The following TNS3 variants were observed in gnomAD, a reference collection of about 807,000 sequenced individuals.
TNS3 encodes tensin-3.
A neutral mutation model predicts 140.9 loss-of-function variants in TNS3; 45 were observed. The observed-to-expected ratio is 0.32, with a 90% CI of 0.25 to 0.41. TNS3 has a LOEUF of 0.41. TNS3 is among the 10% of genes least tolerant of loss of function. The pLI is 1.00. For missense variants in TNS3, 1,716 were observed against 1,906.7 expected (o/e 0.90, Z 1.86); for synonymous variants, 815 against 788.4 (o/e 1.03, Z -0.56).
intron 4 of TNS3, among the ~76,000 whole-genome samples, chr7:47,451,770 G>T (rs534928331): frequency 7.9e-5 from 12 of 152,312 alleles, no homozygotes; most frequent in African/African-American, 2.9e-4. Flanking sequence ...AAATGGAGAA[G>T]AAATAAATGT....
chr7:47,310,966 T>C (rs1046480169), intron 20 of TNS3, among the ~76,000 whole-genome samples: 2 of 152,058 alleles, frequency 1.3e-5, no homozygotes, highest in African/African-American at 4.8e-5. Flanking sequence ...ATCCAGTCTA[T>C]TATTGATGGA....
intron 16 of TNS3, among the ~76,000 whole-genome samples, chr7:47,387,085 T>A (rs192599080): frequency 3.2e-4 from 49 of 152,348 alleles, no homozygotes; most frequent in African/African-American, 1.1e-3. Context: ...ATGTTTAACA[T>A]CAAGTAGCTT....
rs139962693 is a variant in TNS3 at position 47,315,397 on chromosome 7, T to C, written c.2651-10394A>G. 6.0e-4 allele frequency among the ~76,000 whole-genome samples: 92 copies of C among 152,322 alleles called. No individual in the cohort carries two copies. In the East Asian group the frequency reaches 0.014, roughly 23 times the overall value. On this transcript the variant is annotated intron_variant, in intron 20 of 30. Transcript: ENST00000311160. ...CTAGAACTTGGGAGGCGCGTGCCCG[T>C]CGTTCTGGGACTTCAGGAATGTCTA...
intron 16 of TNS3, among the ~76,000 whole-genome samples, chr7:47,373,605 C>T (rs1356267282): frequency 3.9e-5 from 6 of 152,196 alleles, no homozygotes; most frequent in African/African-American, 1.4e-4. Flanking sequence ...CAGGTGCTGC[C>T]CTACCACCCT....
At chr7:47,413,757 G>A (rs564363223) in intron 12 of TNS3, among the ~76,000 whole-genome samples, 180 bp downstream of exon 12, 2 of 152,140 alleles carry the variant, frequency 1.3e-5, no homozygotes, top group African/African-American at 4.8e-5. Flanking sequence ...GGGCCAAGGC[G>A]TGATGCTGGA....
intron 9 of TNS3, among the ~76,000 whole-genome samples, chr7:47,425,503 C>T (rs1584630088): frequency 6.6e-6 from 1 of 152,166 alleles, no homozygotes; most frequent in Admixed American, 6.5e-5. Context: ...TTGACTTTCA[C>T]AGAATACTAT....
In TNS3 at chr7:47,354,206, G is replaced by C. The variant is rs139536901; in HGVS notation, c.2282-7850C>G. On this transcript the variant is annotated intron_variant, in intron 17 of 30. Coordinates refer to ENST00000311160, the MANE Select transcript of TNS3 (RefSeq NM_022748.12). ...AGTTAAGAAGTCAAATCCAGGAAAA[G>C]AGAAGAAAAAGGAGACCTCATGGGA... 2.0e-4 allele frequency among the ~76,000 whole-genome samples: 30 copies of C among 152,290 alleles called. 1 individual carries two copies. The East Asian group carries it at 5.8e-3, about 29-fold the overall frequency.
rs576640829 is a variant in TNS3 at position 47,305,630 on chromosome 7, G to A, written c.2651-627C>T. On this transcript the variant is annotated intron_variant, in intron 20 of 30. Coordinates refer to ENST00000311160, the MANE Select transcript of TNS3 (RefSeq NM_022748.12). ...TGCTTCAAAGGCCACACCGTGGGGTGCAGAAGCCACCCTCGCAGGTGGGCC... is the reference window on the plus strand; with the variant it reads ...TGCTTCAAAGGCCACACCGTGGGGTACAGAAGCCACCCTCGCAGGTGGGCC... Among the ~76,000 whole-genome samples the A allele has an allele frequency of 9.2e-5, 14 of 152,354 alleles. No homozygotes were observed. In the South Asian group the frequency reaches 1.9e-3, roughly 20 times the overall value.
chr7:47,501,917 C>A (rs1798240931), intron 3 of TNS3, among the ~76,000 whole-genome samples: 1 of 152,014 alleles, frequency 6.6e-6, no homozygotes, highest in Non-Finnish European at 1.5e-5. Context: ...GGAGTGAGCC[C>A]CAAGCCAAGC....
At position 47,437,279 on chromosome 7, in the gene TNS3, G is replaced by T; in HGVS notation, c.185C>A (p.Thr62Lys). The change falls in exon 7 of 31, where the codon ACG (threonine) becomes AAG (lysine). Residue 62 changes from threonine (T) to lysine (K), a missense_variant. Coordinates refer to ENST00000311160, the MANE Select transcript of TNS3 (RefSeq NM_022748.12). ...LNLSEKRYDLTKLNPKIMDVG... is the reference protein window; with the variant it reads ...LNLSEKRYDLKKLNPKIMDVG... ...ACTCTGTACCTTTGGGTTAAGCTTC[G>T]TAAGGTCATATCTCTTTTCTGAAAG... The T allele has an allele frequency of 6.4e-7, 1 of 1,560,234 alleles. No homozygotes were observed. The highest frequency in any genetic ancestry group is 8.6e-7 in the Non-Finnish European group (1 of 1,160,552).
At chr7:47,427,442 A>C (rs1471636788) in intron 9 of TNS3, among the ~76,000 whole-genome samples, 1 of 152,218 alleles carries the variant, frequency 6.6e-6, no homozygotes, top group Non-Finnish European at 1.5e-5. Flanking sequence ...ATAGGCTTCT[A>C]TTTCCTCAGA....
rs373756890 is a variant in TNS3, at chr7:47,553,443, T to C, written c.-264-24296A>G. 3.3e-5 allele frequency among the ~76,000 whole-genome samples: 5 copies of C among 152,360 alleles called. No homozygotes were observed. The East Asian group carries it at 9.6e-4, about 29-fold the overall frequency. On this transcript the variant is annotated intron_variant, in intron 1 of 30. Coordinates refer to ENST00000311160, the MANE Select transcript of TNS3 (RefSeq NM_022748.12). ...GCCTGGAAGTTGAAGCAAATGCTCATTTACCATTCTGAAGATTCCAGAGTC... is the reference window on the plus strand; with the variant it reads ...GCCTGGAAGTTGAAGCAAATGCTCACTTACCATTCTGAAGATTCCAGAGTC...
intron 4 of TNS3, chr7:47,453,164 G>A (rs2941526): frequency 0.22 from 219,473 of 985,364 alleles, 24,853 homozygotes; most frequent in Middle Eastern, 0.25. Context: ...AGGTGTGCCC[G>A]GCCCCACGGT....
chr7:47,466,180 G>A (rs1334480692), intron 4 of TNS3, among the ~76,000 whole-genome samples: 1 of 149,382 alleles, frequency 6.7e-6, no homozygotes, highest in Non-Finnish European at 1.5e-5. Flanking sequence ...TCTTTGATAC[G>A]GAGCCTCTGT....
chr7:47,464,745 C>T (rs548731076), intron 4 of TNS3, among the ~76,000 whole-genome samples: 3 of 152,308 alleles, frequency 2.0e-5, no homozygotes, highest in Admixed American at 6.5e-5. Context: ...TTTATACTAA[C>T]GACCTTGTCA....
At chr7:47,378,839 C>T (rs1791574658) in intron 16 of TNS3, among the ~76,000 whole-genome samples, 1 of 152,216 alleles carries the variant, frequency 6.6e-6, no homozygotes, top group Non-Finnish European at 1.5e-5. Context: ...AGTGAGAGAA[C>T]ATTTCTCCTG....
chr7:47,396,945 C>A, intron 15 of TNS3, 41 bp from the exon 16 acceptor site: 3 of 1,449,674 alleles, frequency 2.1e-6, no homozygotes, highest in Non-Finnish European at 2.9e-6. Flanking sequence ...CCAGTGAAAC[C>A]CATCACCTCC....
At chr7:47,291,770 G>A (rs930409414) in intron 27 of TNS3, among the ~76,000 whole-genome samples, 185 bp downstream of exon 27, 6 of 152,148 alleles carry the variant, frequency 3.9e-5, no homozygotes, top group African/African-American at 1.2e-4. Context: ...GCCCATGAAG[G>A]CCTTGCTGAT....
rs956429244 is a variant in TNS3 at position 47,458,682 on chromosome 7, C to T, written c.-75-16627G>A. Among the ~76,000 whole-genome samples, 14 of 152,316 alleles carry T rather than the reference C, an allele frequency of 9.2e-5. 1 individual carries two copies. In the South Asian group the frequency reaches 2.7e-3, roughly 29 times the overall value. On this transcript the variant is annotated intron_variant, in intron 4 of 30. Transcript: ENST00000311160. ...AACAAGCAGTCCCCCCATCCCTTCC[C>T]GCAGGTGCAGGCTTGCAGCTCGGGA...
Sources: gnomAD v4.1 joint callset for allele counts (sites outside exome capture counted in the v4.1 genomes callset) on GRCh38, gnomAD v4.1.1 for gene constraint, MANE v1.5 for transcripts, NCBI Gene and HGNC (gene_info 2026-07-23, HGNC 2026-07-21) for gene names.